The following ZNF404 variants were observed in gnomAD, a reference collection of about 807,000 sequenced individuals.
ZNF404 encodes zinc finger protein 404.
In ZNF404, 7 loss-of-function variants were observed where a neutral mutation model predicts 7.3. The observed-to-expected ratio is 0.95, with a 90% CI of 0.54 to 1.79. ZNF404 has a LOEUF of 1.79. ZNF404 is among the 40% of genes most tolerant of loss of function. The pLI, the probability that ZNF404 is intolerant of heterozygous loss-of-function variation, is 0.00. For missense variants in ZNF404, 560 were observed against 661.5 expected (o/e 0.85, Z 1.68); for synonymous variants, 191 against 209.9 (o/e 0.91, Z 0.78).
At chr19:43,876,495 G>A (rs929095099) in intron 2 of ZNF404, among the ~76,000 whole-genome samples, 17 of 151,774 alleles carry the variant, frequency 1.1e-4, no homozygotes, top group African/African-American at 3.9e-4. Flanking sequence ...CAAATATAAT[G>A]ACAAGGGGGA....
In ZNF404 at chr19:43,873,026, T is replaced by C. The variant is rs373000922; in HGVS notation, c.1188A>G (p.Ser396=). The C allele has an allele frequency of 4.5e-5, 72 of 1,605,296 alleles. No homozygotes were observed. Among genetic ancestry groups the C allele is most frequent in the Non-Finnish European group, 5.9e-5 (69 of 1,174,930 alleles). The change falls in exon 3 of 3, where the codon TCA becomes TCG. Residue 396 remains serine (S), a synonymous_variant. Coordinates refer to ENST00000587539, the MANE Select transcript of ZNF404 (RefSeq NM_001033719.3). ...KECGKTFKLH[S]YLIQHQIIHT... is the part of the protein sequence containing the mutation. ...GAATTATCTGATGTTGAATAAGATATGAATGAAGCTTAAAAGTCTTCCCAC... is the reference window on the plus strand; with the variant it reads ...GAATTATCTGATGTTGAATAAGATACGAATGAAGCTTAAAAGTCTTCCCAC...
intron 1 of ZNF404, among the ~76,000 whole-genome samples, chr19:43,880,620 G>A (rs895980971): frequency 6.6e-6 from 1 of 152,030 alleles, no homozygotes; most frequent in African/African-American, 2.4e-5. Flanking sequence ...CTGAAAATCT[G>A]AACAAAATAT....
rs1362568637 is a variant in ZNF404, at chr19:43,880,080, A to G, written c.66T>C (p.Tyr22=). 1.2e-6 allele frequency: 2 copies of G among 1,613,790 alleles called. No homozygotes were observed. Among genetic ancestry groups the G allele is most frequent in the Non-Finnish European group, 8.5e-7 (1 of 1,179,736 alleles). The change falls in exon 2 of 3, where the codon TAT becomes TAC. Residue 22 remains tyrosine (Y), a synonymous_variant. Coordinates refer to ENST00000587539, the MANE Select transcript of ZNF404 (RefSeq NM_001033719.3). ...ACAAATCCCTCTGATCCGAGTTTAAATATTCCCACTCCTCCTGAGAGAAGT... is the reference window on the plus strand; with the variant it reads ...ACAAATCCCTCTGATCCGAGTTTAAGTATTCCCACTCCTCCTGAGAGAAGT... ...AIDFSQEEWE[Y]LNSDQRDLYR... is the part of the protein sequence containing the mutation.
chr19:43,876,062 G>A (rs1971848516), intron 2 of ZNF404, among the ~76,000 whole-genome samples: 1 of 152,162 alleles, frequency 6.6e-6, no homozygotes, highest in Non-Finnish European at 1.5e-5. Flanking sequence ...AATGGCTCAT[G>A]CCTGTAATCC....
In ZNF404 at chr19:43,873,176, C is replaced by T. The variant is rs755492408; in HGVS notation, c.1038G>A (p.Lys346=). Residue 346 remains lysine, a synonymous_variant, in exon 3 of 3, where the codon AAG becomes AAA. Coordinates refer to ENST00000587539, the MANE Select transcript of ZNF404 (RefSeq NM_001033719.3). The part of the protein sequence containing the change: ...FGKGSSLLKH[K]RIHSSEKLYD... ...AGAGTTTCTCACTACTATGAATTCT[C>T]TTATGTTTAAGAAGGCTTGAGCCCT... 45 of 1,612,476 alleles carry T rather than the reference C, an allele frequency of 2.8e-5. No homozygotes were observed. The highest frequency in any genetic ancestry group is 3.7e-5 in the Non-Finnish European group (44 of 1,178,792).
intron 1 of ZNF404, among the ~76,000 whole-genome samples, chr19:43,883,336 A>G (rs1971912243): frequency 6.6e-6 from 1 of 152,092 alleles, no homozygotes; most frequent in Admixed American, 6.5e-5. Context: ...GAGTTGGAAC[A>G]CAGTAATGCA....
In ZNF404 at chr19:43,873,040, A is replaced by G. The variant is rs747582677; in HGVS notation, c.1174T>C (p.Phe392Leu). ...PHECKECGKT[F>L]KLHSYLIQHQ... ...TGAATAAGATATGAATGAAGCTTAAAAGTCTTCCCACATTCTTTACATTCA... is the reference window on the plus strand; with the variant it reads ...TGAATAAGATATGAATGAAGCTTAAGAGTCTTCCCACATTCTTTACATTCA... The change falls in exon 3 of 3, where the codon TTT (phenylalanine) becomes CTT (leucine). Residue 392 changes from phenylalanine to leucine, a missense_variant. Coordinates refer to ENST00000587539, the MANE Select transcript of ZNF404 (RefSeq NM_001033719.3). 34 of 1,608,740 alleles carry G rather than the reference A, an allele frequency of 2.1e-5. 2 individuals are homozygous for G. In the South Asian group the frequency reaches 3.7e-4, roughly 18 times the overall value.
intron 1 of ZNF404, among the ~76,000 whole-genome samples, chr19:43,883,406 T>C (rs1263124338): frequency 1.3e-5 from 2 of 152,146 alleles, no homozygotes; most frequent in Non-Finnish European, 2.9e-5. Flanking sequence ...CACTACAAAA[T>C]GGGACCCTGG....
chr19:43,872,465 A>T lies in ZNF404; in HGVS notation c.*90T>A. 1 of 1,022,196 alleles carries T rather than the reference A, an allele frequency of 9.8e-7. No individual in the cohort carries two copies. Among genetic ancestry groups the T allele is most frequent in the Non-Finnish European group, 1.4e-6 (1 of 733,676 alleles). 63.3% of individuals were successfully genotyped at this position (1,022,196 alleles called of 1,614,324 possible). A position where few individuals can be genotyped will look rare whatever the true frequency, so the allele number is the denominator to read the frequency against. On this transcript the variant is annotated 3_prime_UTR_variant, in exon 3 of 3. Coordinates refer to ENST00000587539, the MANE Select transcript of ZNF404 (RefSeq NM_001033719.3). This position sits in a 1 kb window ranked among gnomAD's most constrained non-coding sequence, Gnocchi z 4.4. ...GTGCCAGATGCCTTTCCAAGTATTT[A>T]TATTCTATATTAACTAGTTTAATCT... is the stretch of plus-strand genomic sequence containing the variant.
rs1353393240 is a variant in ZNF404 at position 43,873,799 on chromosome 19, C to T, written c.415G>A (p.Gly139Ser). The T allele has an allele frequency of 1.9e-6, 3 of 1,588,756 alleles. No individual in the cohort carries two copies. The highest frequency in any genetic ancestry group is 2.5e-6 in the Non-Finnish European group (3 of 1,179,140). ...GTAAGGTGCAAATATTTTCTAAAGC[C>T]CTTCTTATATTCCTTACACTCATAT... ...KSYECKEYKK[G>S]FRKYLHLTEH... The change falls in exon 3 of 3, where the codon GGC (glycine) becomes AGC (serine). Residue 139 changes from glycine (G) to serine (S), a missense_variant. By Grantham distance (56) the Gly-to-Ser change is moderately conservative. Coordinates refer to ENST00000587539, the MANE Select transcript of ZNF404 (RefSeq NM_001033719.3).
chr19:43,873,649 A>G lies in ZNF404; in HGVS notation c.565T>C (p.Cys189Arg), dbSNP rs116332620. 2,457 of 1,613,306 alleles carry G rather than the reference A, an allele frequency of 1.5e-3. 34 individuals carry two copies. In the African/African-American group the frequency reaches 0.029, roughly 19 times the overall value. ...CTAAAGGCCTTCTCACATCCATTGCATTCATAGGGTTTCAAATCAGTGTGG... is the reference window on the plus strand; with the variant it reads ...CTAAAGGCCTTCTCACATCCATTGCGTTCATAGGGTTTCAAATCAGTGTGG... ...KIHTDLKPYECNGCEKAFRFY... is the reference protein window; with the variant it reads ...KIHTDLKPYERNGCEKAFRFY... The change falls in exon 3 of 3, where the codon TGC becomes CGC. Residue 189 changes from cysteine (C) to arginine (R), a missense_variant. Cys to Arg is a radical substitution (Grantham distance 180, BLOSUM62 -3). Transcript: ENST00000587539.
intron 1 of ZNF404, among the ~76,000 whole-genome samples, chr19:43,881,261 A>G (rs1453754895): frequency 1.3e-5 from 2 of 152,234 alleles, no homozygotes; most frequent in African/African-American, 4.8e-5. Flanking sequence ...AGAAGAAATA[A>G]AAAGCATCTA....
At position 43,873,157 on chromosome 19, in the gene ZNF404, T is replaced by G. The variant is rs780498051; in HGVS notation, c.1057A>C (p.Lys353Gln). ...CCACAATCCTTACAATCATAGAGTT[T>G]CTCACTACTATGAATTCTCTTATGT... ...LKHKRIHSSE[K>Q]LYDCKDCGKA... Residue 353 changes from lysine to glutamine, a missense_variant, in exon 3 of 3, where the codon AAA becomes CAA. By Grantham distance (53) the Lys-to-Gln change is moderately conservative. Transcript: ENST00000587539. 8.1e-6 allele frequency: 13 copies of G among 1,613,448 alleles called. No homozygotes were observed. In the African/African-American group the frequency reaches 1.1e-4, roughly 13 times the overall value.
In ZNF404 at chr19:43,873,111, G is replaced by A. The variant is rs764044458; in HGVS notation, c.1103C>T (p.Ser368Phe). The change falls in exon 3 of 3, where the codon TCT (serine) becomes TTT (phenylalanine). Residue 368 changes from serine (S) to phenylalanine (F), a missense_variant. Physicochemically the swap from Ser to Phe is radical, Grantham distance 155 (BLOSUM62 -2). Transcript: ENST00000587539. ...AATTCTCTGATGCTGTGTAAGTTGAGAGCCTCTACAAAAGGCCTTTCCACA... is the reference window on the plus strand; with the variant it reads ...AATTCTCTGATGCTGTGTAAGTTGAAAGCCTCTACAAAAGGCCTTTCCACA... ...KDCGKAFCRG[S>F]QLTQHQRIHT... 4 of 1,613,046 alleles carry A rather than the reference G, an allele frequency of 2.5e-6. No homozygotes were observed. The highest frequency in any genetic ancestry group is 1.7e-5 in the Admixed American group (1 of 59,806).
At chr19:43,874,485 T>C (rs1471017160) in intron 2 of ZNF404, among the ~76,000 whole-genome samples, 1 of 152,108 alleles carries the variant, frequency 6.6e-6, no homozygotes, top group Non-Finnish European at 1.5e-5. Context: ...GGCTTTATCT[T>C]AGAATGAAAA....
In ZNF404 at chr19:43,873,545, A is replaced by G. The variant is rs961371733; in HGVS notation, c.669T>C (p.Ala223=). The G allele has an allele frequency of 5.6e-6, 9 of 1,613,308 alleles. No homozygotes were observed. The African/African-American group carries it at 9.4e-5, about 17-fold the overall frequency. The change falls in exon 3 of 3, where the codon GCT becomes GCC. Residue 223 remains alanine, a synonymous_variant. Coordinates refer to ENST00000587539, the MANE Select transcript of ZNF404 (RefSeq NM_001033719.3). Reference sequence around the variant, plus strand: ...CTGTAAGGTGAGAATGACGTCTAAAAGCCTTCCCGCATTGCTTACATTCAT... The same window carrying G: ...CTGTAAGGTGAGAATGACGTCTAAAGGCCTTCCCGCATTGCTTACATTCAT... ...KPYECKQCGK[A]FRRHSHLTEH...
In ZNF404 at chr19:43,872,505, T is replaced by A; in HGVS notation, c.*50A>T. The A allele has an allele frequency of 7.1e-7, 1 of 1,401,870 alleles. No individual in the cohort carries two copies. Among genetic ancestry groups the A allele is most frequent in the Non-Finnish European group, 9.6e-7 (1 of 1,042,442 alleles). The allele number at this position is 1,401,870 out of a possible 1,614,324, so 86.8% of individuals were successfully genotyped here. On this transcript the variant is annotated 3_prime_UTR_variant, in exon 3 of 3. Coordinates refer to ENST00000587539, the MANE Select transcript of ZNF404 (RefSeq NM_001033719.3). This position sits in a 1 kb window ranked among gnomAD's most constrained non-coding sequence, Gnocchi z 4.4. The stretch of plus-strand genomic sequence containing the variant: ...TAGTTTAATCTTCACTATAGCATCA[T>A]AATAGTGACAACAGTAAAAATGTGC...
intron 1 of ZNF404, among the ~76,000 whole-genome samples, chr19:43,882,754 G>A (rs1971906679): frequency 6.7e-6 from 1 of 148,516 alleles, no homozygotes; most frequent in African/African-American, 2.5e-5. Context: ...TAACAAAACT[G>A]CACTCCAGCT....
rs753925853 is a variant in ZNF404 at position 43,873,420 on chromosome 19, T to A, written c.794A>T (p.His265Leu). Reference sequence around the variant, plus strand: ...ACATTTGTAGGGTTTCACACCATGATGAATTTTCTGATGCAGACACATATG... The same window carrying A: ...ACATTTGTAGGGTTTCACACCATGAAGAATTTTCTGATGCAGACACATATG... ...YRHMCLHQKI[H>L]HGVKPYKCKE... The change falls in exon 3 of 3, where the codon CAT becomes CTT. Residue 265 changes from histidine to leucine, a missense_variant. Physicochemically the swap from His to Leu is moderately conservative, Grantham distance 99. Transcript: ENST00000587539. 6.2e-7 allele frequency: 1 copy of A among 1,613,488 alleles called. No individual in the cohort carries two copies. The highest frequency in any genetic ancestry group is 8.5e-7 in the Non-Finnish European group (1 of 1,179,706).
Sources: allele counts gnomAD v4.1 joint callset (sites outside exome capture counted in the v4.1 genomes callset), GRCh38; gene constraint gnomAD v4.1.1; non-coding constraint Gnocchi (gnomAD v3.1); transcripts MANE v1.5; gene names NCBI Gene and HGNC (gene_info 2026-07-23, HGNC 2026-07-21).